The following MAGI2 variants were observed in gnomAD, a reference collection of about 807,000 sequenced individuals.
MAGI2 encodes membrane-associated guanylate kinase, WW and PDZ domain-containing protein 2.
Under a neutral mutation model 133.3 loss-of-function variants are expected in MAGI2, and 35 were observed. That is an observed-to-expected ratio of 0.26 (90% CI 0.20 to 0.35). MAGI2 has a LOEUF of 0.35. MAGI2 is among the 10% of genes least tolerant of loss of function. MAGI2 has a pLI of 1.00. For synonymous variants in MAGI2, 729 were observed against 710.6 expected, an observed-to-expected ratio of 1.03 and a Z score of -0.41; for missense variants, 1,636 against 1,863.4, an observed-to-expected ratio of 0.88 and a Z score of 2.25.
At chr7:78,420,351 A>T (rs1798685451) in intron 6 of MAGI2, among the ~76,000 whole-genome samples, 12 of 152,222 alleles carry the variant, frequency 7.9e-5, no homozygotes, top group Admixed American at 7.9e-4. Flanking sequence ...CTTCAAATAG[A>T]AAATATGTAA....
At chr7:79,030,883 T>G (rs1472100996) in intron 1 of MAGI2, among the ~76,000 whole-genome samples, 1 of 152,176 alleles carries the variant, frequency 6.6e-6, no homozygotes, top group Non-Finnish European at 1.5e-5. Flanking sequence ...AATTCCATTG[T>G]TGGCACAAGT....
At chr7:78,560,343 G>A (rs1180289999) in intron 3 of MAGI2, among the ~76,000 whole-genome samples, 3 of 152,156 alleles carry the variant, frequency 2.0e-5, no homozygotes, top group African/African-American at 4.8e-5. Flanking sequence ...CAAAAGAGAG[G>A]TGAGAGTTAC....
intron 1 of MAGI2, among the ~76,000 whole-genome samples, chr7:79,426,088 T>G (rs1585937101): frequency 6.6e-6 from 1 of 152,208 alleles, no homozygotes; most frequent in East Asian, 1.9e-4. Context: ...ATTCATGGAC[T>G]CATAAGAAAC....
chr7:78,669,442 C>T (rs184327763), intron 2 of MAGI2, among the ~76,000 whole-genome samples: 3,037 of 152,064 alleles, frequency 0.02, 43 homozygotes, highest in Middle Eastern at 0.082. Context: ...GCTTACCAGC[C>T]AAAAAGAGTC....
chr7:78,758,792 A>G (rs148491491), intron 2 of MAGI2, among the ~76,000 whole-genome samples: 1 of 152,314 alleles, frequency 6.6e-6, no homozygotes, highest in African/African-American at 2.4e-5. Context: ...ATTCTCTTCT[A>G]CAATTGAAAG....
intron 2 of MAGI2, among the ~76,000 whole-genome samples, chr7:78,797,796 G>A (rs1165121390): frequency 2.0e-5 from 3 of 152,144 alleles, no homozygotes; most frequent in African/African-American, 4.8e-5. Context: ...GGGGTAAGGG[G>A]AGAGTGGTCA....
chr7:78,510,945 C>G (rs949529782), intron 4 of MAGI2, among the ~76,000 whole-genome samples: 4 of 152,160 alleles, frequency 2.6e-5, no homozygotes, highest in Admixed American at 2.0e-4. Context: ...CTGACTCCTC[C>G]TCACTCTGGT....
At chr7:78,681,416 A>C (rs1415720693) in intron 2 of MAGI2, among the ~76,000 whole-genome samples, 1 of 152,208 alleles carries the variant, frequency 6.6e-6, no homozygotes, top group East Asian at 1.9e-4. Flanking sequence ...ATTACCCAGC[A>C]GATTCTGTTT....
At position 79,188,191 on chromosome 7, in the gene MAGI2, T is replaced by A. The variant is rs537559590; in HGVS notation, c.302-180985A>T. Among the ~76,000 whole-genome samples the A allele has an allele frequency of 6.2e-3, 938 of 151,874 alleles. 19 individuals carry two copies. The highest frequency in any genetic ancestry group is 0.021 in the African/African-American group (868 of 41,342). On this transcript the variant is annotated intron_variant, in intron 1 of 21. Transcript: ENST00000354212. ...TTACCTAGGTAAACATGTGCCATGGTGGTTTGCTGCACCTATCAACCCATC... is the reference window on the plus strand; with the variant it reads ...TTACCTAGGTAAACATGTGCCATGGAGGTTTGCTGCACCTATCAACCCATC...
chr7:78,779,751 G>T (rs187309552), intron 2 of MAGI2, among the ~76,000 whole-genome samples: 36 of 152,328 alleles, frequency 2.4e-4, no homozygotes, highest in Admixed American at 1.3e-3. Flanking sequence ...ATTAGTCCAT[G>T]ATACTGGGAA....
chr7:78,098,658 A>G (rs1195561068), intron 20 of MAGI2, among the ~76,000 whole-genome samples: 1 of 152,088 alleles, frequency 6.6e-6, no homozygotes, highest in Non-Finnish European at 1.5e-5. Flanking sequence ...GCACCCTTAA[A>G]TTTATTTGAT....
chr7:79,028,626 T>C (rs1810262283), intron 1 of MAGI2, among the ~76,000 whole-genome samples: 1 of 152,070 alleles, frequency 6.6e-6, no homozygotes, highest in Non-Finnish European at 1.5e-5. Flanking sequence ...ACAAAATTAA[T>C]TTTTTGCCTA....
intron 20 of MAGI2, among the ~76,000 whole-genome samples, chr7:78,089,967 G>T (rs995019762): frequency 3.3e-5 from 5 of 152,084 alleles, no homozygotes; most frequent in Admixed American, 2.6e-4. Flanking sequence ...TGACCTTCTG[G>T]CTTATCACCA....
intron 21 of MAGI2, among the ~76,000 whole-genome samples, chr7:78,029,693 G>T (rs1188291702): frequency 6.8e-6 from 1 of 146,916 alleles, no homozygotes; most frequent in Non-Finnish European, 1.5e-5. Flanking sequence ...AAACCATTGC[G>T]TGTTGAAAAC....
chr7:78,261,869 A>C (rs1386275556), intron 9 of MAGI2, among the ~76,000 whole-genome samples: 1 of 152,142 alleles, frequency 6.6e-6, no homozygotes, highest in African/African-American at 2.4e-5. Flanking sequence ...TTCTGAGTCT[A>C]CTCAACCCCC....
At chr7:78,339,050 TG>T (rs1431499943) in intron 9 of MAGI2, among the ~76,000 whole-genome samples, 1 of 152,184 alleles carries the variant, frequency 6.6e-6, no homozygotes, top group African/African-American at 2.4e-5. Flanking sequence ...CTCCTGACTT[TG>T]TGCCAATATT....
intron 2 of MAGI2, among the ~76,000 whole-genome samples, chr7:78,791,130 G>GTGT (rs1300300600): frequency 7.9e-5 from 12 of 152,246 alleles, no homozygotes; most frequent in African/African-American, 2.9e-4. Flanking sequence ...TATAGTAAAG[G>GTGT]CCTCTGGAGA....
chr7:78,108,232 A>C (rs1422993983), intron 20 of MAGI2, among the ~76,000 whole-genome samples: 1 of 152,100 alleles, frequency 6.6e-6, no homozygotes, highest in Non-Finnish European at 1.5e-5. Flanking sequence ...GTATTTACCC[A>C]CTGGTCATTC....
chr7:78,994,177 A>C (rs1322153770), intron 2 of MAGI2, among the ~76,000 whole-genome samples: 1 of 151,944 alleles, frequency 6.6e-6, no homozygotes, highest in African/African-American at 2.4e-5. Context: ...GTGACAGCTG[A>C]GTCAGTACAG....
Sources: gnomAD v4.1 joint callset for allele counts (sites outside exome capture counted in the v4.1 genomes callset) on GRCh38, gnomAD v4.1.1 for gene constraint, MANE v1.5 for transcripts, NCBI Gene and HGNC (gene_info 2026-07-23, HGNC 2026-07-21) for gene names.